Variants in IGF1R observed in about 807,000 individuals in gnomAD.
The protein encoded by IGF1R is insulin-like growth factor 1 receptor.
A neutral mutation model predicts 144.6 loss-of-function variants in IGF1R; 44 were observed. That is an observed-to-expected ratio of 0.30 (90% CI 0.24 to 0.39). The LOEUF is 0.39. Ranked by LOEUF, IGF1R falls within the 10% of genes least tolerant of loss-of-function variation. IGF1R has a pLI of 1.00. For missense variants in IGF1R, 1,355 were observed against 1,833.7 expected, an observed-to-expected ratio of 0.74 and a Z score of 4.77; for synonymous variants, 795 against 722.8, an observed-to-expected ratio of 1.10 and a Z score of -1.60.
chr15:98,908,362 T>C (rs1387770646), intron 5 of IGF1R, among the ~76,000 whole-genome samples: 1 of 152,246 alleles, frequency 6.6e-6, no homozygotes, highest in Non-Finnish European at 1.5e-5. Flanking sequence ...TTGTACATAC[T>C]TGGCTGAGAA....
intron 2 of IGF1R, among the ~76,000 whole-genome samples, chr15:98,836,222 T>G (rs1315406476): frequency 6.6e-6 from 1 of 151,976 alleles, no homozygotes; most frequent in Non-Finnish European, 1.5e-5. Flanking sequence ...TTTGAAATAA[T>G]TTTAGACTTA....
At chr15:98,676,642 C>A (rs1440339536) in intron 1 of IGF1R, among the ~76,000 whole-genome samples, 5 of 151,518 alleles carry the variant, frequency 3.3e-5, no homozygotes. Flanking sequence ...TGCAATTCTT[C>A]TCCGCTACTC....
At chr15:98,912,613 T>A (rs1334300473) in intron 7 of IGF1R, among the ~76,000 whole-genome samples, 1 of 152,234 alleles carries the variant, frequency 6.6e-6, no homozygotes, top group Non-Finnish European at 1.5e-5. Flanking sequence ...CAGAATTGTT[T>A]ATGAGCAATC....
Position 98,929,679 on chromosome 15 carries a change from T to TA in IGF1R, c.2885+20dup. 1.3e-6 allele frequency: 2 copies of TA among 1,504,260 alleles called. No homozygotes were observed. Among genetic ancestry groups the TA allele is most frequent in the South Asian group, 2.2e-5 (2 of 88,954 alleles). The allele number at this position is 1,504,260 out of a possible 1,614,324, so 93.2% of individuals were successfully genotyped here. A position where few individuals can be genotyped will look rare whatever the true frequency, so the allele number is the denominator to read the frequency against. On this transcript the variant is annotated intron_variant, in intron 14 of 20. Coordinates refer to ENST00000650285, the MANE Select transcript of IGF1R (RefSeq NM_000875.5). ...GAAAGAGGTCAGTGATGTGCAAAGT[T>TA]ATGACACTTTCTGTGGCTGAGTGGT...
chr15:98,896,636 A>G (rs2014211142), intron 3 of IGF1R, 121 bp from the exon 4 acceptor site: 2 of 1,046,922 alleles, frequency 1.9e-6, no homozygotes, highest in Non-Finnish European at 2.8e-6. Context: ...ACACTTCAAA[A>G]CAGTTGCTTT....
At chr15:98,878,663 CAAAAAAAA>C (rs138285597) in intron 2 of IGF1R, among the ~76,000 whole-genome samples, 17 of 57,910 alleles carry the variant, frequency 2.9e-4, no homozygotes, top group African/African-American at 1.3e-3. Context: ...GTGAAAGACT[CAAAAAAAA>C]AAAAAAAAAA....
chr15:98,902,568 C>T (rs188403314), intron 5 of IGF1R, among the ~76,000 whole-genome samples: 13 of 146,950 alleles, frequency 8.8e-5, no homozygotes, highest in African/African-American at 3.3e-4. Context: ...CTGGCACGCA[C>T]CACCACGCCC....
chr15:98,869,176 G>A (rs968107940), intron 2 of IGF1R, among the ~76,000 whole-genome samples: 1 of 152,028 alleles, frequency 6.6e-6, no homozygotes, highest in Non-Finnish European at 1.5e-5. Context: ...ACAGTTGACT[G>A]TTGAAACATA....
chr15:98,878,981 G>A (rs975501130), intron 2 of IGF1R, among the ~76,000 whole-genome samples: 2 of 151,980 alleles, frequency 1.3e-5, no homozygotes, highest in Non-Finnish European at 2.9e-5. Context: ...GGGCGCCAGA[G>A]CAAGACTCTG....
chr15:98,831,178 A>T (rs1030588454), intron 2 of IGF1R, among the ~76,000 whole-genome samples: 1 of 152,200 alleles, frequency 6.6e-6, no homozygotes, highest in Non-Finnish European at 1.5e-5. Flanking sequence ...CATTCAAACT[A>T]TATCTACGAC....
At chr15:98,721,971 C>A (rs1283355981) in intron 2 of IGF1R, among the ~76,000 whole-genome samples, 1 of 152,180 alleles carries the variant, frequency 6.6e-6, no homozygotes, top group Non-Finnish European at 1.5e-5. Context: ...ACATATCACT[C>A]CCATAGAGAG....
intron 2 of IGF1R, among the ~76,000 whole-genome samples, chr15:98,718,476 A>G (rs1009099861): frequency 3.3e-5 from 5 of 152,222 alleles, no homozygotes; most frequent in African/African-American, 1.2e-4. Context: ...AGAGTGGCCC[A>G]TGGAGCTTAG....
intron 2 of IGF1R, among the ~76,000 whole-genome samples, chr15:98,863,015 TG>T (rs1362880199): frequency 1.3e-5 from 2 of 152,188 alleles, no homozygotes; most frequent in African/African-American, 2.4e-5. Flanking sequence ...TCCCTTTTTT[TG>T]GTTCCAGATC....
chr15:98,887,974 C>T (rs748310528), intron 2 of IGF1R, among the ~76,000 whole-genome samples: 8 of 152,248 alleles, frequency 5.3e-5, no homozygotes, highest in Non-Finnish European at 1.0e-4. Flanking sequence ...AGTGCCTCCC[C>T]GGGCAGTGGT....
At chr15:98,783,815 T>G (rs2055915658) in intron 2 of IGF1R, among the ~76,000 whole-genome samples, 1 of 152,166 alleles carries the variant, frequency 6.6e-6, no homozygotes, top group South Asian at 2.1e-4. Flanking sequence ...ACCGATGCTG[T>G]TGCTAGAAAG....
rs573877268 is a variant in IGF1R, at chr15:98,664,690, CA to C, written c.94+15033del. Among the ~76,000 whole-genome samples, 220 of 69,588 alleles carry C rather than the reference CA, an allele frequency of 3.2e-3. 1 individual carries two copies. The highest frequency in any genetic ancestry group is 0.01 in the South Asian group (21 of 2,014). 45.7% of individuals were successfully genotyped at this position (69,588 alleles called of 152,430 possible). On this transcript the variant is annotated intron_variant, in intron 1 of 20. Coordinates refer to ENST00000650285, the MANE Select transcript of IGF1R (RefSeq NM_000875.5). Reference sequence around the variant, plus strand: ...CCTGGGCGAGAGTGAGACTCCATGTCAAAAAAAAAAAAAAAAAAGTGTCACC... The same window carrying C: ...CCTGGGCGAGAGTGAGACTCCATGTCAAAAAAAAAAAAAAAAAGTGTCACC...
intron 2 of IGF1R, among the ~76,000 whole-genome samples, chr15:98,725,363 TC>T (rs970970844): frequency 6.6e-6 from 1 of 152,216 alleles, no homozygotes; most frequent in Non-Finnish European, 1.5e-5. Flanking sequence ...TAGCATTTCA[TC>T]CCATGTTGAT....
chr15:98,955,248 G>T (rs1041953074), intron 20 of IGF1R, among the ~76,000 whole-genome samples: 1 of 152,150 alleles, frequency 6.6e-6, no homozygotes, highest in Non-Finnish European at 1.5e-5. Context: ...TAAAATTCTG[G>T]CTACAGAGAT....
chr15:98,668,651 G>A (rs534304427), intron 1 of IGF1R, among the ~76,000 whole-genome samples: 2 of 152,300 alleles, frequency 1.3e-5, no homozygotes, highest in South Asian at 2.1e-4. Context: ...CTCTGCAGGA[G>A]CTACATAGAG....
Sources: gnomAD v4.1 joint callset for allele counts (sites outside exome capture counted in the v4.1 genomes callset) on GRCh38, gnomAD v4.1.1 for gene constraint, MANE v1.5 for transcripts, NCBI Gene and HGNC (gene_info 2026-07-23, HGNC 2026-07-21) for gene names.